The following MOSPD1 variants were observed in gnomAD, a reference collection of about 807,000 sequenced individuals.
MOSPD1 encodes motile sperm domain containing 1.
A neutral mutation model predicts 16.7 loss-of-function variants in MOSPD1; 5 were observed. The observed-to-expected ratio is 0.30, with a 90% CI of 0.16 to 0.63. The LOEUF is 0.63. Among genes scored for constraint, MOSPD1 ranks in the 30% least tolerant of loss-of-function variants. MOSPD1 has a pLI of 0.82. For synonymous variants in MOSPD1, 67 were observed against 59.2 expected, an observed-to-expected ratio of 1.13 and a Z score of -0.61; for missense variants, 104 against 153.6, an observed-to-expected ratio of 0.68 and a Z score of 1.71.
At chrX:134,914,934 G>T (rs1438877151) in intron 1 of MOSPD1, among the ~76,000 whole-genome samples, 1 of 112,587 alleles carries the variant, frequency 8.9e-6, no homozygotes, top group Non-Finnish European at 1.9e-5. Context: ...CAGCTGGCCA[G>T]ACCCTGGGGC....
chrX:134,905,063 TA>T (rs1330537296), intron 1 of MOSPD1, among the ~76,000 whole-genome samples: 1 of 106,605 alleles, frequency 9.4e-6, no homozygotes, highest in Non-Finnish European at 2.0e-5. Flanking sequence ...GCCATTTGTA[TA>T]AAAAGGGAGA....
At chrX:134,895,338 T>TAAAAC (rs10630009) in intron 4 of MOSPD1, among the ~76,000 whole-genome samples, 49,880 of 109,492 alleles carry the variant, frequency 0.46, 8,630 homozygotes, top group African/African-American at 0.61. Flanking sequence ...AAATAAAAAA[T>TAAAAC]AAAATAAGAC....
Position 134,899,116 on chromosome X carries a change from T to C in MOSPD1, c.204A>G (p.Ala68=), listed in dbSNP as rs1235939939. The C allele has an allele frequency of 1.7e-6, 2 of 1,207,361 alleles. No homozygotes were observed. Among genetic ancestry groups the C allele is most frequent in the Non-Finnish European group, 2.2e-6 (2 of 893,925 alleles). ...TATCCACACAACACTGAGGCTTTAC[T>C]GCACCTGCAGCATCAACGACAACAT... is the stretch of plus-strand genomic sequence containing the variant. ...NKYVVVDAAG[A]VKPQCCVDIV... Residue 68 remains alanine, a synonymous_variant, in exon 3 of 6, where the codon GCA becomes GCG. Transcript: ENST00000370783.
intron 3 of MOSPD1, among the ~76,000 whole-genome samples, chrX:134,898,758 A>G (rs1036329481): frequency 2.6e-4 from 29 of 112,028 alleles, no homozygotes; most frequent in African/African-American, 9.4e-4. Flanking sequence ...TGTTCCAAGG[A>G]AAGCTAAATC....
chrX:134,911,509 T>C (rs2082971351), intron 1 of MOSPD1, among the ~76,000 whole-genome samples: 1 of 112,209 alleles, frequency 8.9e-6, no homozygotes, highest in Admixed American at 9.5e-5. Flanking sequence ...TCATAGAACC[T>C]GGAAAAAGGG....
chrX:134,903,711 C>CAAAAAAA (rs772831491), intron 1 of MOSPD1, among the ~76,000 whole-genome samples: 1 of 54,969 alleles, frequency 1.8e-5, no homozygotes, highest in Non-Finnish European at 3.2e-5. Context: ...GACTCCATCT[C>CAAAAAAA]AAAAAAAAAA....
intron 1 of MOSPD1, among the ~76,000 whole-genome samples, chrX:134,901,890 T>C (rs1217790709): frequency 1.8e-5 from 2 of 112,240 alleles, no homozygotes; most frequent in African/African-American, 3.2e-5. Flanking sequence ...TTTTTTTGAC[T>C]GAGCTGAAAG....
At chrX:134,899,556 G>A (rs989560686) in intron 1 of MOSPD1, 22 bp from the exon 2 acceptor site, 5 of 675,426 alleles carry the variant, frequency 7.4e-6, no homozygotes, top group Non-Finnish European at 6.4e-6. Flanking sequence ...AGGAGAAAGC[G>A]AGAAGAAAAG....
chrX:134,911,705 G>A (rs2082972630), intron 1 of MOSPD1, among the ~76,000 whole-genome samples: 1 of 112,244 alleles, frequency 8.9e-6, no homozygotes, highest in Non-Finnish European at 1.9e-5. Context: ...ATTTCTTGAT[G>A]TGCCAATGAA....
At chrX:134,891,859 T>C (rs1020515461) in intron 4 of MOSPD1, among the ~76,000 whole-genome samples, 6 of 111,578 alleles carry the variant, frequency 5.4e-5, no homozygotes, top group Non-Finnish European at 9.4e-5. Flanking sequence ...TGACGTGGCA[T>C]TGTGAGGTAG....
At chrX:134,907,280 G>A (rs1227159158) in intron 1 of MOSPD1, among the ~76,000 whole-genome samples, 1 of 111,669 alleles carries the variant, frequency 9.0e-6, no homozygotes, top group African/African-American at 3.2e-5. Flanking sequence ...TACCACACAT[G>A]CCCTAATCTG....
At chrX:134,912,799 C>T (rs2082979290) in intron 1 of MOSPD1, among the ~76,000 whole-genome samples, 2 of 109,352 alleles carry the variant, frequency 1.8e-5, no homozygotes, top group African/African-American at 6.6e-5. Flanking sequence ...ATTAACTGGG[C>T]GTGGTGGCAG....
chrX:134,899,245 G>C, intron 2 of MOSPD1, 35 bp downstream of exon 2: 1 of 1,179,106 alleles, frequency 8.5e-7, no homozygotes, highest in Non-Finnish European at 1.1e-6. Context: ...GTAGGGACCA[G>C]TTAAAAACCC....
Position 134,887,718 on chromosome X carries a change from C to G in MOSPD1, c.*1443G>C, listed in dbSNP as rs768082730. ...ACACACACATGTGCACTTGCACACACGTGCACACACAGGACTTGAGATGGA... is the reference window on the plus strand; with the variant it reads ...ACACACACATGTGCACTTGCACACAGGTGCACACACAGGACTTGAGATGGA... On this transcript the variant is annotated 3_prime_UTR_variant, in exon 6 of 6. Transcript: ENST00000370783. 2 of 113,525 alleles carry G rather than the reference C, an allele frequency of 1.8e-5. No individual in the cohort carries two copies. The highest frequency in any genetic ancestry group is 6.4e-5 in the African/African-American group (2 of 31,229). The allele number at this position is 113,525 out of a possible 1,213,427, so 9.4% of individuals were successfully genotyped here. A position where few individuals can be genotyped will look rare whatever the true frequency, so the allele number is the denominator to read the frequency against.
chrX:134,897,431 C>A (rs987283782), intron 3 of MOSPD1, among the ~76,000 whole-genome samples: 1 of 106,885 alleles, frequency 9.4e-6, no homozygotes, highest in Non-Finnish European at 1.9e-5. Context: ...TGCTGGTGTG[C>A]GTGTAGTCCT....
chrX:134,889,476 A>C (rs918365777), intron 5 of MOSPD1, among the ~76,000 whole-genome samples: 2 of 112,140 alleles, frequency 1.8e-5, no homozygotes, highest in African/African-American at 3.2e-5. Context: ...CATCAAACAT[A>C]ATAATAGCAG....
At chrX:134,906,197 T>TTTTG (rs2082940607) in intron 1 of MOSPD1, among the ~76,000 whole-genome samples, 1 of 98,789 alleles carries the variant, frequency 1.0e-5, no homozygotes, top group African/African-American at 3.8e-5. Context: ...TTTTTTTTTT[T>TTTTG]GAGACGGAGT....
intron 1 of MOSPD1, among the ~76,000 whole-genome samples, chrX:134,908,253 GT>G (rs1298031708): frequency 4.5e-5 from 5 of 112,043 alleles, no homozygotes; most frequent in Non-Finnish European, 7.5e-5. Flanking sequence ...TCCTACAGAT[GT>G]CTACTAATAA....
At chrX:134,892,126 C>T (rs1213530762) in intron 4 of MOSPD1, among the ~76,000 whole-genome samples, 2 of 111,815 alleles carry the variant, frequency 1.8e-5, no homozygotes, top group East Asian at 2.8e-4. Flanking sequence ...GAGCCTGCCA[C>T]ACTAGACCTC....
Sources: gnomAD v4.1 joint callset for allele counts (sites outside exome capture counted in the v4.1 genomes callset) on GRCh38, gnomAD v4.1.1 for gene constraint, MANE v1.5 for transcripts, NCBI Gene and HGNC (gene_info 2026-07-23, HGNC 2026-07-21) for gene names.